AATK: variants seen among roughly 807,000 people sequenced by gnomAD.
AATK encodes lemur tail kinase 1.
Under a neutral mutation model 114.3 loss-of-function variants are expected in AATK, and 91 were observed. The ratio of observed to expected loss-of-function variants is 0.80; its 90% confidence interval spans 0.67 to 0.95. The LOEUF (loss-of-function observed/expected upper bound fraction) is 0.95. Among genes scored for constraint, AATK ranks in the 40% least tolerant of loss-of-function variants. The pLI, the probability that AATK is intolerant of heterozygous loss-of-function variation, is 0.00. For missense variants in AATK, 2,176 were observed against 1,965.2 expected, an observed-to-expected ratio of 1.11 and a Z score of -2.03; for synonymous variants, 1,075 against 916.5, an observed-to-expected ratio of 1.17 and a Z score of -3.12.
chr17:81,141,944 C>CT (rs1377936058), intron 1 of AATK, among the ~76,000 whole-genome samples: 1 of 135,936 alleles, frequency 7.4e-6, no homozygotes, highest in Non-Finnish European at 1.6e-5. Flanking sequence ...TCCTTCCTTC[C>CT]TTCCTTCCTT....
chr17:81,118,999 C>A (rs927519222), intron 13 of AATK, among the ~76,000 whole-genome samples: 1 of 152,198 alleles, frequency 6.6e-6, no homozygotes. Flanking sequence ...AGGGCTCCAC[C>A]TGGGCACCGT....
chr17:81,120,717 G>T lies in AATK; in HGVS notation c.3219C>A (p.Pro1073=). The change falls in exon 11 of 14, where the codon CCC becomes CCA. Residue 1073 remains proline (P), a synonymous_variant. Coordinates refer to ENST00000326724, the MANE Select transcript of AATK (RefSeq NM_001080395.3). The stretch of plus-strand genomic sequence containing the variant: ...CCGGAGGCTCTGGGACCAGGCCCGA[G>T]GGGCAGGTGCTGGGCTCTGGGGAGG... The part of the protein sequence containing the change: ...EGSSPEPSTC[P]SGLVPEPPEP... 1 of 1,551,846 alleles carries T rather than the reference G, an allele frequency of 6.4e-7. No homozygotes were observed. The highest frequency in any genetic ancestry group is 2.3e-5 in the East Asian group (1 of 43,102).
chr17:81,126,868 C>A lies in AATK; in HGVS notation c.622-308G>T. ...CCCAAGTGGATCTGCTTGATGGAGT[C>A]TGGGGCTGGTGGTCGAGGGTTGGCC... On this transcript the variant is annotated intron_variant, in intron 6 of 13. Coordinates refer to ENST00000326724, the MANE Select transcript of AATK (RefSeq NM_001080395.3). This position sits in a 1 kb window ranked among gnomAD's most constrained non-coding sequence, Gnocchi z 5.1. 1 of 1,189,634 alleles carries A rather than the reference C, an allele frequency of 8.4e-7. No homozygotes were observed. 73.7% of individuals were successfully genotyped at this position (1,189,634 alleles called of 1,614,324 possible).
At chr17:81,120,140 ACC>A in intron 11 of AATK, 57 bp from the exon 12 acceptor site, 1 of 1,508,808 alleles carries the variant, frequency 6.6e-7, no homozygotes, top group South Asian at 1.3e-5. Flanking sequence ...GGCCGCTCCC[ACC>A]CCTTCCTGCG....
In AATK at chr17:81,126,144, C is replaced by T. The variant is rs1262539173; in HGVS notation, c.755+283G>A. ...GGCTTAGCAGAGTGTGGGGTTGGCG[C>T]GGGGCTGCAGGGTGCTGGCTGACTG... On this transcript the variant is annotated intron_variant, in intron 7 of 13. Transcript: ENST00000326724. This position sits in a 1 kb window ranked among gnomAD's most constrained non-coding sequence, Gnocchi z 5.1. Among the ~76,000 whole-genome samples, 2 of 152,200 alleles carry T rather than the reference C, an allele frequency of 1.3e-5. No homozygotes were observed. The highest frequency in any genetic ancestry group is 2.4e-5 in the African/African-American group (1 of 41,458).
intron 4 of AATK, 129 bp from the exon 5 acceptor site, chr17:81,128,039 A>G: frequency 8.7e-7 from 1 of 1,153,610 alleles, no homozygotes; most frequent in Non-Finnish European, 1.2e-6. Context: ...TGCCCCGTCC[A>G]CTCATTGCAG....
chr17:81,126,847 A>T lies in AATK; in HGVS notation c.622-287T>A. ...GGTAGAGAGAGAAACACAGGGCCCA[A>T]GTGGATCTGCTTGATGGAGTCTGGG... On this transcript the variant is annotated intron_variant, in intron 6 of 13. Coordinates refer to ENST00000326724, the MANE Select transcript of AATK (RefSeq NM_001080395.3). The surrounding 1 kb of genome is among the most constrained non-coding windows in gnomAD (Gnocchi z 5.1). 1 of 1,251,378 alleles carries T rather than the reference A, an allele frequency of 8.0e-7. No individual in the cohort carries two copies. Among genetic ancestry groups the T allele is most frequent in the Non-Finnish European group, 1.0e-6 (1 of 993,078 alleles). The allele number at this position is 1,251,378 out of a possible 1,614,324, so 77.5% of individuals were successfully genotyped here.
At position 81,126,289 on chromosome 17, in the gene AATK, A is replaced by C; in HGVS notation, c.755+138T>G. 8.9e-7 allele frequency: 1 copy of C among 1,127,386 alleles called. No individual in the cohort carries two copies. The highest frequency in any genetic ancestry group is 1.2e-6 in the Non-Finnish European group (1 of 814,682). The allele number at this position is 1,127,386 out of a possible 1,614,324, so 69.8% of individuals were successfully genotyped here. ...AAAACGTCATAAAATCCCTCTGCAT[A>C]GTGGTTGTCTGATGCTGCATGAGAT... is the stretch of plus-strand genomic sequence containing the variant. On this transcript the variant is annotated intron_variant, in intron 7 of 13. Coordinates refer to ENST00000326724, the MANE Select transcript of AATK (RefSeq NM_001080395.3). The surrounding 1 kb of genome is among the most constrained non-coding windows in gnomAD (Gnocchi z 5.1).
chr17:81,121,975 G>A lies in AATK; in HGVS notation c.1961C>T (p.Pro654Leu), dbSNP rs2060705410. 4.4e-6 allele frequency: 7 copies of A among 1,600,294 alleles called. No homozygotes were observed. The highest frequency in any genetic ancestry group is 5.9e-6 in the Non-Finnish European group (7 of 1,177,506). Reference sequence around the variant, plus strand: ...ATCCTCGCCAGTCAGCGGCAGCGGGGGCGCCCCTGAGCTCCCCAAAGGGGA... The same window carrying A: ...ATCCTCGCCAGTCAGCGGCAGCGGGAGCGCCCCTGAGCTCCCCAAAGGGGA... ...GTSPLGSSGAPPLPLTGEDEL... is the reference protein window; with the variant it reads ...GTSPLGSSGALPLPLTGEDEL... The change falls in exon 11 of 14, where the codon CCC becomes CTC. Residue 654 changes from proline to leucine, a missense_variant. Transcript: ENST00000326724.
chr17:81,161,769 C>T (rs1217129080), intron 1 of AATK, among the ~76,000 whole-genome samples: 1 of 152,162 alleles, frequency 6.6e-6, no homozygotes, highest in African/African-American at 2.4e-5. Flanking sequence ...AGAACTCTCC[C>T]GTGAGGCAGG....
At position 81,165,778 on chromosome 17, in the gene AATK, C is replaced by T. The variant is rs1265106930; in HGVS notation, c.55+160G>A. 1.3e-5 allele frequency: 19 copies of T among 1,507,992 alleles called. 1 individual carries two copies. The Admixed American group carries it at 1.7e-4, about 13-fold the overall frequency. 93.4% of individuals were successfully genotyped at this position (1,507,992 alleles called of 1,614,324 possible). ...TGCTGGGGCCCAGGGCCTGCCCCTCCGAGATCTGGGGCCGCCAGGGGGTCC... is the reference window on the plus strand; with the variant it reads ...TGCTGGGGCCCAGGGCCTGCCCCTCTGAGATCTGGGGCCGCCAGGGGGTCC... On this transcript the variant is annotated intron_variant, in intron 1 of 13. Coordinates refer to ENST00000326724, the MANE Select transcript of AATK (RefSeq NM_001080395.3).
At chr17:81,139,253 C>T (rs2146352907) in intron 1 of AATK, among the ~76,000 whole-genome samples, 1 of 152,314 alleles carries the variant, frequency 6.6e-6, no homozygotes, top group South Asian at 2.1e-4. Context: ...GCCATGCCTG[C>T]CCCTCCACAA....
intron 1 of AATK, among the ~76,000 whole-genome samples, chr17:81,146,481 C>T (rs1032052763): frequency 2.6e-5 from 4 of 152,098 alleles, no homozygotes; most frequent in African/African-American, 4.8e-5. Flanking sequence ...TTTGGGAGGC[C>T]GAGGTGGGTG....
chr17:81,144,195 T>A (rs1177832229), intron 1 of AATK, among the ~76,000 whole-genome samples: 1 of 152,130 alleles, frequency 6.6e-6, no homozygotes, highest in East Asian at 1.9e-4. Context: ...ACAGCCAGCG[T>A]CTCTTGCACA....
intron 1 of AATK, among the ~76,000 whole-genome samples, chr17:81,162,575 C>A (rs1052753529): frequency 1.3e-5 from 2 of 152,186 alleles, no homozygotes; most frequent in African/African-American, 4.8e-5. Flanking sequence ...TCCAGCCCTG[C>A]CCCTGCCACT....
chr17:81,146,171 AG>A (rs2061216289), intron 1 of AATK, among the ~76,000 whole-genome samples: 1 of 148,582 alleles, frequency 6.7e-6, no homozygotes. Flanking sequence ...CCTAGGCAAG[AG>A]AGCGAGACTC....
Position 81,121,238 on chromosome 17 carries a change from G to A in AATK, c.2698C>T (p.Pro900Ser), listed in dbSNP as rs753989035. The A allele has an allele frequency of 3.2e-5, 52 of 1,607,612 alleles. No homozygotes were observed. The highest frequency in any genetic ancestry group is 3.8e-5 in the Non-Finnish European group (45 of 1,177,674). Residue 900 changes from proline (P) to serine (S), a missense_variant, in exon 11 of 14, where the codon CCC (proline) becomes TCC (serine). Pro to Ser is a moderately conservative substitution (Grantham distance 74). This residue lies in a region of AATK where 1,701 missense variants were observed against 1,394.7 expected (regional missense o/e 1.22). Transcript: ENST00000326724. ...ATGTCCAGGGAGTCCAGGGAGTCGG[G>A]GGTCCCCACCTGCTTCTGCAGAGAG... The part of the protein sequence containing the change: ...FRSLQKQVGT[P>S]DSLDSLDIPS...
intron 2 of AATK, chr17:81,132,648 G>T: frequency 1.0e-5 from 3 of 301,114 alleles, no homozygotes; most frequent in East Asian, 1.1e-4. Flanking sequence ...CCGGGCTCCA[G>T]GCATTACCTG....
chr17:81,141,647 G>T (rs1259980392), intron 1 of AATK, among the ~76,000 whole-genome samples: 1 of 152,202 alleles, frequency 6.6e-6, no homozygotes, highest in Non-Finnish European at 1.5e-5. Flanking sequence ...CAAGGGTGGG[G>T]GTGCCATGGA....
Sources: allele counts gnomAD v4.1 joint callset (sites outside exome capture counted in the v4.1 genomes callset), GRCh38; gene constraint gnomAD v4.1.1; regional missense constraint gnomAD v4.1.1; non-coding constraint Gnocchi (gnomAD v3.1); transcripts MANE v1.5; gene names NCBI Gene and HGNC (gene_info 2026-07-23, HGNC 2026-07-21).